The following NPNT variants were observed in gnomAD, a reference collection of about 807,000 sequenced individuals.
The protein encoded by NPNT is nephronectin.
Under a neutral mutation model 68.6 loss-of-function variants are expected in NPNT, and 45 were observed. The ratio of observed to expected loss-of-function variants is 0.66; its 90% CI spans 0.52 to 0.84. The LOEUF (loss-of-function observed/expected upper bound fraction) is 0.84. NPNT is among the 40% of genes least tolerant of loss of function. The pLI, the probability that NPNT is intolerant of heterozygous loss-of-function variation, is 0.00. For synonymous variants in NPNT, 233 were observed against 253.3 expected (o/e 0.92, Z 0.76); for missense variants, 672 against 714.8 (o/e 0.94, Z 0.68).
intron 10 of NPNT, among the ~76,000 whole-genome samples, chr4:105,959,731 TTAATC>T (rs1169138094): frequency 6.6e-6 from 1 of 152,038 alleles, no homozygotes; most frequent in African/African-American, 2.4e-5. Context: ...ACAATTCCTA[TTAATC>T]TAAAGTTTTA....
intron 3 of NPNT, among the ~76,000 whole-genome samples, chr4:105,932,268 A>T (rs1183948684): frequency 6.6e-6 from 1 of 152,022 alleles, no homozygotes; most frequent in Admixed American, 6.6e-5. Flanking sequence ...CAATATTTGT[A>T]TAATTTGTTT....
chr4:105,943,116 C>T (rs4394002), intron 8 of NPNT, among the ~76,000 whole-genome samples: 136,189 of 152,236 alleles, frequency 0.89, 61,118 homozygotes, highest in East Asian at 1. Context: ...TTATTGGGTT[C>T]ATGTAAAGAT....
At chr4:105,898,026 A>G (rs775809683) in intron 2 of NPNT, 25 bp downstream of exon 2, 5 of 1,505,978 alleles carry the variant, frequency 3.3e-6, no homozygotes, top group Non-Finnish European at 4.5e-6. Context: ...TGGGGACTTC[A>G]GTTCCCTGGG....
At position 105,949,230 on chromosome 4, in the gene NPNT, T is replaced by A. The variant is rs184494036; in HGVS notation, c.1159+6528T>A. Among the ~76,000 whole-genome samples, 581 of 152,320 alleles carry A rather than the reference T, an allele frequency of 3.8e-3. 2 individuals carry two copies. Among genetic ancestry groups the A allele is most frequent in the Non-Finnish European group, 3.8e-3 (259 of 68,018 alleles). ...CAATACTCCAATGTGCTAACAATAT[T>A]GCAAATCTCTAAGAGAGGCATGTAA... On this transcript the variant is annotated intron_variant, in intron 8 of 11. Coordinates refer to ENST00000379987, the MANE Select transcript of NPNT (RefSeq NM_001033047.3).
chr4:105,917,185 A>T (rs1727888630), intron 2 of NPNT, among the ~76,000 whole-genome samples: 1 of 152,116 alleles, frequency 6.6e-6, no homozygotes, highest in Non-Finnish European at 1.5e-5. Flanking sequence ...TCAGTGGAGG[A>T]CTGTTTCTTG....
Position 105,969,409 on chromosome 4 carries a change from A to AT in NPNT, c.*421dup, listed in dbSNP as rs1334840256. The AT allele has an allele frequency of 3.2e-5, 5 of 156,364 alleles. No individual in the cohort carries two copies. Among genetic ancestry groups the AT allele is most frequent in the African/African-American group, 1.2e-4 (5 of 41,564 alleles). 9.7% of individuals were successfully genotyped at this position (156,364 alleles called of 1,614,324 possible). A position where few individuals can be genotyped will look rare whatever the true frequency, so the allele number is the denominator to read the frequency against. ...TGTTCGGTGTTGTACCATGAGTAGT[A>AT]TTGACTTCCCTTGAGATATGATGTA... On this transcript the variant is annotated 3_prime_UTR_variant, in exon 12 of 12. Coordinates refer to ENST00000379987, the MANE Select transcript of NPNT (RefSeq NM_001033047.3).
chr4:105,919,249 T>TC (rs1329304766), intron 2 of NPNT, among the ~76,000 whole-genome samples: 1 of 152,028 alleles, frequency 6.6e-6, no homozygotes, highest in East Asian at 1.9e-4. Flanking sequence ...CATTTTTTTT[T>TC]CTCTCTTCCT....
Position 105,971,231 on chromosome 4 carries a change from T to A in NPNT, c.*2241T>A. On this transcript the variant is annotated 3_prime_UTR_variant, in exon 12 of 12. Coordinates refer to ENST00000379987, the MANE Select transcript of NPNT (RefSeq NM_001033047.3). ...GTGCCCTGCCCCACACCGGCAGACC[T>A]TTCCTTCACCTCATCAGTATGATTC... is the stretch of plus-strand genomic sequence containing the variant. The A allele has an allele frequency of 2.2e-6, 1 of 447,732 alleles. No individual in the cohort carries two copies. The highest frequency in any genetic ancestry group is 4.5e-6 in the Non-Finnish European group (1 of 221,666). The allele number at this position is 447,732 out of a possible 1,614,324, so 27.7% of individuals were successfully genotyped here.
intron 3 of NPNT, chr4:105,927,638 C>A: frequency 3.4e-6 from 1 of 290,136 alleles, no homozygotes; most frequent in Non-Finnish European, 6.4e-6. Context: ...CTCTTATTCT[C>A]TGATACTAAT....
chr4:105,946,820 A>G (rs1271344473), intron 8 of NPNT, among the ~76,000 whole-genome samples: 1 of 152,196 alleles, frequency 6.6e-6, no homozygotes, highest in Non-Finnish European at 1.5e-5. Context: ...ATAAGGGTCT[A>G]TGTTTAGTGG....
At chr4:105,967,141 G>A in intron 10 of NPNT, 47 bp from the exon 11 acceptor site, 2 of 1,574,684 alleles carry the variant, frequency 1.3e-6, no homozygotes, top group East Asian at 2.3e-5. Context: ...GCTTGTTCTA[G>A]AAAGGGATAT....
At chr4:105,927,289 G>T in intron 2 of NPNT, 47 bp from the exon 3 acceptor site, 1 of 1,157,008 alleles carries the variant, frequency 8.6e-7, no homozygotes, top group South Asian at 1.3e-5. Context: ...CTATATGATT[G>T]GTGTTTCGTT....
At position 105,927,423 on chromosome 4, in the gene NPNT, A is replaced by G. The variant is rs750971009; in HGVS notation, c.260A>G (p.Asn87Ser). Residue 87 changes from asparagine (N) to serine (S), a missense_variant, in exon 3 of 12, where the codon AAT becomes AGT. Asn to Ser is a conservative substitution (Grantham distance 46). Transcript: ENST00000379987. ...CHPGYAGKTC[N>S]QDLNECGLKP... Reference sequence around the variant, plus strand: ...CCTGGTTATGCTGGAAAAACCTGTAATCAAGGTAGGAAAACAGTCTGACAT... The same window carrying G: ...CCTGGTTATGCTGGAAAAACCTGTAGTCAAGGTAGGAAAACAGTCTGACAT... 1.9e-6 allele frequency: 3 copies of G among 1,600,220 alleles called. No individual in the cohort carries two copies.
intron 7 of NPNT, 100 bp downstream of exon 7, chr4:105,940,736 G>C: frequency 4.8e-6 from 5 of 1,048,688 alleles, no homozygotes; most frequent in Non-Finnish European, 7.0e-6. Context: ...TATCAAAGAA[G>C]TATAATTGTC....
At chr4:105,922,341 A>G (rs751965873) in intron 2 of NPNT, among the ~76,000 whole-genome samples, 4 of 151,888 alleles carry the variant, frequency 2.6e-5, no homozygotes, top group Non-Finnish European at 5.9e-5. Flanking sequence ...TAGAGTTAGA[A>G]ACTATTGTCC....
chr4:105,925,445 G>A (rs1476734224), intron 2 of NPNT, among the ~76,000 whole-genome samples: 1 of 152,100 alleles, frequency 6.6e-6, no homozygotes, highest in East Asian at 1.9e-4. Flanking sequence ...GGAATGGAAG[G>A]TGAGGGAAGG....
chr4:105,944,433 A>G (rs1308582840), intron 8 of NPNT, among the ~76,000 whole-genome samples: 1 of 152,192 alleles, frequency 6.6e-6, no homozygotes, highest in East Asian at 1.9e-4. Context: ...TTTTTTCATT[A>G]TGATGAAAGA....
chr4:105,936,969 G>T (rs768807766), intron 3 of NPNT, 40 bp from the exon 4 acceptor site: 16 of 1,595,112 alleles, frequency 1.0e-5, no homozygotes, highest in Non-Finnish European at 1.3e-5. Flanking sequence ...TTAGTGCTGA[G>T]GTTTTGTAAT....
intron 2 of NPNT, among the ~76,000 whole-genome samples, chr4:105,912,953 C>T (rs1727488896): frequency 6.6e-6 from 1 of 152,140 alleles, no homozygotes; most frequent in Non-Finnish European, 1.5e-5. Flanking sequence ...CTGCAAACTC[C>T]GCCTCTTAGG....
Sources: gnomAD v4.1 joint callset for allele counts (sites outside exome capture counted in the v4.1 genomes callset) on GRCh38, gnomAD v4.1.1 for gene constraint, MANE v1.5 for transcripts, NCBI Gene and HGNC (gene_info 2026-07-23, HGNC 2026-07-21) for gene names.